Variants in GPC6 observed in about 807,000 individuals in gnomAD.
GPC6 encodes glypican-6.
Under a neutral mutation model 55.2 loss-of-function variants are expected in GPC6, and 14 were observed. That is an observed-to-expected ratio of 0.25 (90% CI 0.17 to 0.40). GPC6 has a LOEUF of 0.40. Among genes scored for constraint, GPC6 ranks in the 10% least tolerant of loss-of-function variants. The probability of loss-of-function intolerance (pLI) is 1.00; values close to 1 mark genes in which losing one functional copy is unlikely to be tolerated. For missense variants in GPC6, 641 were observed against 708.5 expected, an observed-to-expected ratio of 0.90 and a Z score of 1.08; for synonymous variants, 278 against 259.6, an observed-to-expected ratio of 1.07 and a Z score of -0.68.
At chr13:93,882,237 C>G (rs1291219395) in intron 3 of GPC6, among the ~76,000 whole-genome samples, 1 of 152,024 alleles carries the variant, frequency 6.6e-6, no homozygotes, top group African/African-American at 2.4e-5. Context: ...TCACTGCAGC[C>G]TTGACCTTCC....
intron 4 of GPC6, among the ~76,000 whole-genome samples, chr13:94,138,876 A>G (rs1887274110): frequency 6.6e-6 from 1 of 152,126 alleles, no homozygotes; most frequent in Non-Finnish European, 1.5e-5. Context: ...GATGAAAGAC[A>G]TGTTCCTCAT....
intron 2 of GPC6, among the ~76,000 whole-genome samples, chr13:93,812,497 G>A (rs905565238): frequency 6.6e-6 from 1 of 152,074 alleles, no homozygotes; most frequent in African/African-American, 2.4e-5. Flanking sequence ...ACAAGAATAT[G>A]TTTAATTTCC....
chr13:93,385,242 A>G (rs1479355245), intron 1 of GPC6, among the ~76,000 whole-genome samples: 1 of 152,224 alleles, frequency 6.6e-6, no homozygotes, highest in Non-Finnish European at 1.5e-5. Context: ...GTAGCAGGAC[A>G]GTGAGGCTGG....
intron 1 of GPC6, among the ~76,000 whole-genome samples, chr13:93,533,203 A>C (rs1566408510): frequency 6.6e-6 from 1 of 152,190 alleles, no homozygotes. Flanking sequence ...ACATTTTAAA[A>C]ATGTGGCTTC....
intron 4 of GPC6, among the ~76,000 whole-genome samples, chr13:94,238,064 A>G (rs1890934445): frequency 6.6e-6 from 1 of 152,168 alleles, no homozygotes; most frequent in Admixed American, 6.5e-5. Flanking sequence ...GAGGAGAGCA[A>G]CGAGGTAGAT....
intron 6 of GPC6, among the ~76,000 whole-genome samples, chr13:94,366,892 A>G (rs560021789): frequency 2.0e-5 from 3 of 152,356 alleles, no homozygotes; most frequent in African/African-American, 7.2e-5. Flanking sequence ...ATTTGAAACC[A>G]GGTAGAGCTT....
chr13:94,306,258 G>T (rs1875943091), intron 6 of GPC6, 135 bp downstream of exon 6: 1 of 863,280 alleles, frequency 1.2e-6, no homozygotes, highest in Non-Finnish European at 1.9e-6. Flanking sequence ...TTCTTAATTA[G>T]AATATTGAAA....
At chr13:93,596,677 T>C (rs1169479381) in intron 2 of GPC6, among the ~76,000 whole-genome samples, 1 of 146,932 alleles carries the variant, frequency 6.8e-6, no homozygotes, top group Non-Finnish European at 1.5e-5. Flanking sequence ...TGTATACACT[T>C]ATATAAGTGT....
chr13:93,737,363 C>A lies in GPC6; in HGVS notation c.320-92791C>A, dbSNP rs557469157. 2.7e-3 allele frequency among the ~76,000 whole-genome samples: 412 copies of A among 152,206 alleles called. 1 individual carries two copies. The highest frequency in any genetic ancestry group is 0.014 in the Middle Eastern group (4 of 294). On this transcript the variant is annotated intron_variant, in intron 2 of 8. Coordinates refer to ENST00000377047, the MANE Select transcript of GPC6 (RefSeq NM_005708.5). Reference sequence around the variant, plus strand: ...CTTAAGATTTTTCCTACAACTGTGCCATGTTTTCTAATCTTCTGAAGTACA... The same window carrying A: ...CTTAAGATTTTTCCTACAACTGTGCAATGTTTTCTAATCTTCTGAAGTACA...
At chr13:94,227,448 T>C (rs1890594152) in intron 4 of GPC6, among the ~76,000 whole-genome samples, 1 of 152,164 alleles carries the variant, frequency 6.6e-6, no homozygotes, top group African/African-American at 2.4e-5. Flanking sequence ...GAAGTTCAGG[T>C]CACACTCTGA....
chr13:94,115,321 G>T lies in GPC6; in HGVS notation c.877+87427G>T, dbSNP rs538337892. Among the ~76,000 whole-genome samples, 10 of 152,156 alleles carry T rather than the reference G, an allele frequency of 6.6e-5. No homozygotes were observed. In the East Asian group the frequency reaches 1.7e-3, roughly 27 times the overall value. On this transcript the variant is annotated intron_variant, in intron 4 of 8. Coordinates refer to ENST00000377047, the MANE Select transcript of GPC6 (RefSeq NM_005708.5). ...AAGATTTGAAACGCACTGGTAATGA[G>T]GTTTATGTCAGAGGCAAGGGGTTGG...
chr13:94,086,000 G>A (rs1885269040), intron 4 of GPC6, among the ~76,000 whole-genome samples: 1 of 152,036 alleles, frequency 6.6e-6, no homozygotes, highest in Non-Finnish European at 1.5e-5. Flanking sequence ...CTTCTGTTCT[G>A]TAAAGACACT....
At chr13:94,334,789 G>GC (rs1877599027) in intron 6 of GPC6, among the ~76,000 whole-genome samples, 1 of 152,216 alleles carries the variant, frequency 6.6e-6, no homozygotes, top group Non-Finnish European at 1.5e-5. Flanking sequence ...TCTAGAGCCA[G>GC]CCCTGGACCT....
intron 2 of GPC6, among the ~76,000 whole-genome samples, chr13:93,798,648 T>C (rs1236370683): frequency 1.3e-5 from 2 of 152,008 alleles, no homozygotes; most frequent in Non-Finnish European, 2.9e-5. Context: ...GCTGGGCGCG[T>C]TAGCTCACAC....
chr13:93,981,729 A>G (rs1421260525), intron 3 of GPC6, among the ~76,000 whole-genome samples: 1 of 152,150 alleles, frequency 6.6e-6, no homozygotes, highest in Non-Finnish European at 1.5e-5. Flanking sequence ...AAAATAATGC[A>G]TTCTTCCATT....
chr13:93,880,278 C>A (rs199865444), intron 3 of GPC6, among the ~76,000 whole-genome samples: 3 of 151,728 alleles, frequency 2.0e-5, no homozygotes, highest in Non-Finnish European at 4.4e-5. Context: ...ATGTTTATTG[C>A]GGCATTATTC....
At chr13:94,021,803 A>T (rs1010184227) in intron 3 of GPC6, among the ~76,000 whole-genome samples, 2 of 152,128 alleles carry the variant, frequency 1.3e-5, no homozygotes, top group African/African-American at 2.4e-5. Context: ...GCAGAAAATT[A>T]AAAAATAACT....
At chr13:93,605,930 A>G (rs1878220924) in intron 2 of GPC6, among the ~76,000 whole-genome samples, 2 of 151,328 alleles carry the variant, frequency 1.3e-5, no homozygotes, top group Non-Finnish European at 1.5e-5. Context: ...ACTTTTTGCT[A>G]TTTCAATTTT....
chr13:93,465,815 AATCGCTAAGCT>A (rs1222214056), intron 1 of GPC6, among the ~76,000 whole-genome samples: 11 of 152,300 alleles, frequency 7.2e-5, no homozygotes, highest in Middle Eastern at 3.4e-3. Context: ...AATGTGCCTT[AATCGCTAAGCT>A]TAATAACTTT....
Sources: gnomAD v4.1 joint callset for allele counts (sites outside exome capture counted in the v4.1 genomes callset) on GRCh38, gnomAD v4.1.1 for gene constraint, MANE v1.5 for transcripts, NCBI Gene and HGNC (gene_info 2026-07-23, HGNC 2026-07-21) for gene names.